ARID4B: variants seen among roughly 807,000 people sequenced by gnomAD.
ARID4B encodes the protein AT-rich interactive domain-containing protein 4B.
ARID4B carries 26 observed loss-of-function variants against 147.5 expected under a neutral mutation model. The ratio of observed to expected loss-of-function variants is 0.18; its 90% CI spans 0.13 to 0.24. The LOEUF is 0.24. ARID4B is among the 10% of genes least tolerant of loss of function. ARID4B has a pLI of 1.00. For synonymous variants in ARID4B, 512 were observed against 507.9 expected, an observed-to-expected ratio of 1.01 and a Z score of -0.11; for missense variants, 1,179 against 1,511.5, an observed-to-expected ratio of 0.78 and a Z score of 3.65.
At chr1:235,247,492 A>G (rs1230998902) in intron 6 of ARID4B, among the ~76,000 whole-genome samples, 1 of 152,226 alleles carries the variant, frequency 6.6e-6, no homozygotes, top group East Asian at 1.9e-4. Context: ...TTTAAGGTAC[A>G]TAGATGTATG....
intron 8 of ARID4B, among the ~76,000 whole-genome samples, chr1:235,236,831 AAAATATATATAT>A (rs1161052094): frequency 2.9e-4 from 8 of 27,500 alleles, no homozygotes; most frequent in African/African-American, 1.3e-3. Context: ...GGTTTTATAA[AAAATATATATAT>A]ATATATATAT....
intron 7 of ARID4B, among the ~76,000 whole-genome samples, chr1:235,246,212 T>C (rs183268549): frequency 2.2e-4 from 33 of 152,252 alleles, no homozygotes; most frequent in East Asian, 5.8e-4. Context: ...CAGGGAGAAA[T>C]TGAAGGCAGA....
At chr1:235,244,571 A>G (rs540340431) in intron 7 of ARID4B, among the ~76,000 whole-genome samples, 22 of 152,298 alleles carry the variant, frequency 1.4e-4, no homozygotes, top group African/African-American at 5.1e-4. Flanking sequence ...CTGAAACTCA[A>G]TTTAATGGAA....
intron 2 of ARID4B, among the ~76,000 whole-genome samples, chr1:235,305,868 G>A (rs1031269080): frequency 6.6e-6 from 1 of 152,156 alleles, no homozygotes; most frequent in African/African-American, 2.4e-5. Context: ...GCTAAGGTGG[G>A]AGGATCACCT....
At chr1:235,226,803 C>T (rs907021213) in intron 11 of ARID4B, among the ~76,000 whole-genome samples, 3 of 152,052 alleles carry the variant, frequency 2.0e-5, no homozygotes, top group Non-Finnish European at 1.5e-5. Context: ...GGATTACAGG[C>T]GTGAGCCACC....
At chr1:235,301,035 A>ATTTTTTT (rs1673093653) in intron 2 of ARID4B, among the ~76,000 whole-genome samples, 2 of 102,844 alleles carry the variant, frequency 1.9e-5, no homozygotes, top group African/African-American at 8.9e-5. Context: ...TTTTTTAAGT[A>ATTTTTTT]TTCTTTTTTT....
chr1:235,191,175 TA>T (rs751655641), intron 19 of ARID4B, among the ~76,000 whole-genome samples: 10 of 152,080 alleles, frequency 6.6e-5, no homozygotes, highest in Admixed American at 5.2e-4. Flanking sequence ...AATGAGAATA[TA>T]TATAGAGTAG....
At chr1:235,188,414 G>A (rs1376660796) in intron 19 of ARID4B, among the ~76,000 whole-genome samples, 1 of 152,114 alleles carries the variant, frequency 6.6e-6, no homozygotes, top group Non-Finnish European at 1.5e-5. Flanking sequence ...GCAGTGGGGA[G>A]CCTCATACAA....
chr1:235,188,033 T>C (rs1409435540), intron 19 of ARID4B, among the ~76,000 whole-genome samples: 1 of 152,084 alleles, frequency 6.6e-6, no homozygotes, highest in Non-Finnish European at 1.5e-5. Context: ...GTTTGTAATA[T>C]GTTAATGATC....
intron 5 of ARID4B, among the ~76,000 whole-genome samples, chr1:235,254,311 C>A (rs895714402): frequency 6.6e-5 from 10 of 152,024 alleles, no homozygotes; most frequent in African/African-American, 2.4e-4. Flanking sequence ...TGTTTACTTT[C>A]ATCTCTGAGG....
intron 11 of ARID4B, among the ~76,000 whole-genome samples, chr1:235,225,021 T>C (rs930986090): frequency 2.6e-5 from 4 of 152,090 alleles, no homozygotes; most frequent in South Asian, 2.1e-4. Context: ...AAAATTCCCA[T>C]ATGAGAAAAG....
At position 235,260,866 on chromosome 1, in the gene ARID4B, G is replaced by GT; in HGVS notation, c.7-115dup. On this transcript the variant is annotated intron_variant, in intron 2 of 23. Transcript: ENST00000264183. Reference sequence around the variant, plus strand: ...GCTACAACAGTTATAAATATGAAATGTATGTTAACAAGACCAATCTATAAA... The same window carrying GT: ...GCTACAACAGTTATAAATATGAAATGTTATGTTAACAAGACCAATCTATAAA... 2.9e-6 allele frequency: 2 copies of GT among 681,614 alleles called. 1 individual carries two copies. Among genetic ancestry groups the GT allele is most frequent in the South Asian group, 4.0e-5 (2 of 49,850 alleles). The allele number at this position is 681,614 out of a possible 1,614,324, so 42.2% of individuals were successfully genotyped here.
intron 17 of ARID4B, among the ~76,000 whole-genome samples, chr1:235,203,796 T>C (rs774544743): frequency 1.2e-4 from 18 of 152,016 alleles, no homozygotes; most frequent in Non-Finnish European, 2.6e-4. Context: ...GACAAAATAA[T>C]AGAAAAAAAC....
chr1:235,178,643 C>T (rs976440239), intron 20 of ARID4B, among the ~76,000 whole-genome samples: 2 of 152,166 alleles, frequency 1.3e-5, no homozygotes, highest in African/African-American at 2.4e-5. Context: ...TTCTATACTA[C>T]TCATTTGGTC....
Position 235,189,381 on chromosome 1 carries a change from C to T in ARID4B, c.2125+4632G>A, listed in dbSNP as rs895676601. ...TGCCACTGCACTCCAGCCTAGGCAA[C>T]AGAGTGAGACTCAGTCTCAAAAAAA... On this transcript the variant is annotated intron_variant, in intron 19 of 23. Coordinates refer to ENST00000264183, the MANE Select transcript of ARID4B (RefSeq NM_016374.6). 3.1e-4 allele frequency among the ~76,000 whole-genome samples: 30 copies of T among 97,076 alleles called. 1 individual carries two copies. The Admixed American group carries it at 4.5e-3, about 14-fold the overall frequency. 63.7% of individuals were successfully genotyped at this position (97,076 alleles called of 152,430 possible). A position where few individuals can be genotyped will look rare whatever the true frequency, so the allele number is the denominator to read the frequency against.
intron 2 of ARID4B, among the ~76,000 whole-genome samples, chr1:235,305,140 G>C (rs993448385): frequency 6.6e-6 from 1 of 152,200 alleles, no homozygotes; most frequent in African/African-American, 2.4e-5. Flanking sequence ...ACTTATAAGT[G>C]AAAGAGGGAG....
chr1:235,269,164 T>C (rs1558263419), intron 2 of ARID4B, among the ~76,000 whole-genome samples: 1 of 152,194 alleles, frequency 6.6e-6, no homozygotes, highest in Non-Finnish European at 1.5e-5. Context: ...GAGTCCATAT[T>C]GACAAGAATG....
chr1:235,214,107 A>G, intron 16 of ARID4B, 81 bp from the exon 17 acceptor site: 9 of 1,486,782 alleles, frequency 6.1e-6, no homozygotes, highest in Non-Finnish European at 8.0e-6. Context: ...TATTGATAAA[A>G]GTTGTGGCTG....
intron 8 of ARID4B, among the ~76,000 whole-genome samples, chr1:235,239,692 T>C (rs1360661427): frequency 6.6e-6 from 1 of 152,126 alleles, no homozygotes; most frequent in East Asian, 1.9e-4. Flanking sequence ...ATGAGGATAC[T>C]CCTGATAATA....
Sources: gnomAD v4.1 joint callset for allele counts (sites outside exome capture counted in the v4.1 genomes callset) on GRCh38, gnomAD v4.1.1 for gene constraint, MANE v1.5 for transcripts, NCBI Gene and HGNC (gene_info 2026-07-23, HGNC 2026-07-21) for gene names.